The following MIAT variants were observed in gnomAD, a reference collection of about 807,000 sequenced individuals.
MIAT encodes the protein MI related novel mRNA.
intron 2 of MIAT, among the ~76,000 whole-genome samples, chr22:26,654,055 T>C (rs572343024): frequency 6.6e-6 from 1 of 152,296 alleles, no homozygotes; most frequent in African/African-American, 2.4e-5. Flanking sequence ...CACTTGACTT[T>C]AGCATAAAAA....
At chr22:26,655,369 T>C (rs539721706) in intron 2 of MIAT, among the ~76,000 whole-genome samples, 150 of 152,340 alleles carry the variant, frequency 9.8e-4, no homozygotes, top group Non-Finnish European at 1.2e-3. Context: ...TAAATCTACC[T>C]GAGTGCCTTA....
chr22:26,673,375 C>T, downstream of MIAT: 1 of 399,044 alleles, frequency 2.5e-6, no homozygotes, highest in African/African-American at 2.1e-5. Context: ...CTTGCTCTCA[C>T]CCAGCTAATC....
intron 2 of MIAT, among the ~76,000 whole-genome samples, chr22:26,652,479 T>C (rs1198075438): frequency 6.6e-6 from 1 of 152,124 alleles, no homozygotes; most frequent in African/African-American, 2.4e-5. Context: ...TGCCTCAGCC[T>C]CCTGAGTAGC....
exon 5 of MIAT, chr22:26,675,768 A>G (rs559185032): frequency 2.0e-5 from 8 of 398,636 alleles, no homozygotes; most frequent in East Asian, 1.8e-4. Flanking sequence ...GAGGGAGCCC[A>G]TTTGTCATGC....
chr22:26,651,026 G>A (rs556112634), intron 2 of MIAT, among the ~76,000 whole-genome samples: 1 of 152,264 alleles, frequency 6.6e-6, no homozygotes, highest in South Asian at 2.1e-4. Flanking sequence ...GCAAGTAAGT[G>A]GGCAAGGGGT....
At chr22:26,661,975 T>C (rs67648044) in intron 2 of MIAT, among the ~76,000 whole-genome samples, 2,422 of 103,204 alleles carry the variant, frequency 0.023, 72 homozygotes, top group Non-Finnish European at 0.037. Context: ...CACACACACA[T>C]ATACATGGAT....
exon 4 of MIAT, chr22:26,666,778 G>A (rs1009366081): frequency 2.5e-6 from 1 of 398,846 alleles, no homozygotes; most frequent in Non-Finnish European, 4.4e-6. Context: ...CTTCAGCAGG[G>A]AGTTCTGGCA....
At chr22:26,675,660 T>A (rs1001193377) in exon 5 of MIAT, 1 of 398,454 alleles carries the variant, frequency 2.5e-6, no homozygotes, top group African/African-American at 2.1e-5. Context: ...AGGGGAGCAA[T>A]CTTGAAAACA....
chr22:26,670,266 G>A, downstream of MIAT: 1 of 398,424 alleles, frequency 2.5e-6, no homozygotes. Flanking sequence ...CACCTACTTT[G>A]GGCCCTTTCC....
At chr22:26,649,406 C>A (rs1209401323) in intron 2 of MIAT, among the ~76,000 whole-genome samples, 1 of 152,224 alleles carries the variant, frequency 6.6e-6, no homozygotes, top group Admixed American at 6.5e-5. Flanking sequence ...GATTCCTCCC[C>A]ACTATTCCTG....
intron 3 of MIAT, among the ~76,000 whole-genome samples, chr22:26,663,900 A>G (rs1930756466): frequency 6.7e-6 from 1 of 149,698 alleles, no homozygotes; most frequent in Non-Finnish European, 1.5e-5. Context: ...TCTCAGCCCC[A>G]GTCCCAGCCC....
At chr22:26,653,655 T>C (rs745774585) in intron 2 of MIAT, among the ~76,000 whole-genome samples, 1 of 152,202 alleles carries the variant, frequency 6.6e-6, no homozygotes, top group Admixed American at 6.5e-5. Flanking sequence ...AAAAGCATTG[T>C]GACCTGACCA....
chr22:26,655,406 C>G (rs191712871), intron 2 of MIAT, among the ~76,000 whole-genome samples: 28 of 152,312 alleles, frequency 1.8e-4, no homozygotes, highest in Non-Finnish European at 2.5e-4. Flanking sequence ...CTCTCATTGC[C>G]TCTCTGAGCC....
At chr22:26,674,442 G>T (rs1827277763), downstream of MIAT, 1 of 398,788 alleles carries the variant, frequency 2.5e-6, no homozygotes, top group Non-Finnish European at 4.4e-6. Context: ...TCAAGGCAGG[G>T]CCTGGAGGAT....
At chr22:26,672,190 C>T (rs6005125), downstream of MIAT, 4,721 of 399,518 alleles carry the variant, frequency 0.012, 195 homozygotes, top group African/African-American at 0.087. Flanking sequence ...CTTACTAACC[C>T]AGCCCCTACT....
At chr22:26,650,479 C>T (rs1930318268) in intron 2 of MIAT, 1 of 152,298 alleles carries the variant, frequency 6.6e-6, no homozygotes, top group Non-Finnish European at 1.5e-5. Flanking sequence ...ACCAAGGCTT[C>T]CTGGTACCAA....
intron 2 of MIAT, among the ~76,000 whole-genome samples, chr22:26,651,771 G>C (rs1048817082): frequency 1.3e-5 from 2 of 152,162 alleles, no homozygotes; most frequent in Non-Finnish European, 2.9e-5. Context: ...ACATTATGCC[G>C]AGTGAAAGAA....
At chr22:26,669,616 G>C (rs534574380) in exon 6 of MIAT, 6 of 398,674 alleles carry the variant, frequency 1.5e-5, no homozygotes, top group African/African-American at 1.2e-4. Context: ...ATGCATTTGG[G>C]GGAGGGGACA....
downstream of MIAT, chr22:26,673,097 C>G (rs1931118750): frequency 2.5e-6 from 1 of 398,640 alleles, no homozygotes; most frequent in Admixed American, 4.4e-5. Flanking sequence ...GGAGGGGAAG[C>G]AGCTTTACCC....
Sources: allele counts gnomAD v4.1 joint callset (sites outside exome capture counted in the v4.1 genomes callset), GRCh38; gene constraint gnomAD v4.1.1; transcripts MANE v1.5; gene names NCBI Gene and HGNC (gene_info 2026-07-23, HGNC 2026-07-21).